EFCAB5: variants seen among roughly 807,000 people sequenced by gnomAD.
EFCAB5 encodes the protein EF-hand calcium-binding domain-containing protein 5.
Under a neutral mutation model 167.9 loss-of-function variants are expected in EFCAB5, and 131 were observed. The observed-to-expected ratio is 0.78, with a 90% confidence interval of 0.68 to 0.90. The LOEUF (loss-of-function observed/expected upper bound fraction) is 0.90, where lower values mean the gene tolerates loss of function less well. Ranked by LOEUF, EFCAB5 falls within the 40% of genes least tolerant of loss-of-function variation. The probability of loss-of-function intolerance (pLI) is 0.00; values close to 1 mark genes in which losing one functional copy is unlikely to be tolerated. For missense variants in EFCAB5, 1,663 were observed against 1,745.2 expected, an observed-to-expected ratio of 0.95 and a Z score of 0.84; for synonymous variants, 574 against 602.8, an observed-to-expected ratio of 0.95 and a Z score of 0.70.
intron 3 of EFCAB5, among the ~76,000 whole-genome samples, chr17:29,965,879 TA>T (rs1389454862): frequency 1.3e-5 from 2 of 152,220 alleles, no homozygotes; most frequent in African/African-American, 4.8e-5. Flanking sequence ...TATTTCTAGA[TA>T]TTTTAAATTT....
At chr17:30,029,951 T>C (rs965481124) in intron 7 of EFCAB5, among the ~76,000 whole-genome samples, 40 of 152,182 alleles carry the variant, frequency 2.6e-4, no homozygotes, top group Admixed American at 2.1e-3. Context: ...ATTCATTACA[T>C]TGGGACTTAG....
chr17:30,069,445 G>C lies in EFCAB5; in HGVS notation c.2738-8770G>C. ...GACTTCAAGAGATATTCACGGAAAA[G>C]GTTTTGCAACAGGAAGCTGAGATTG... On this transcript the variant is annotated intron_variant, in intron 14 of 22. Coordinates refer to ENST00000394835, the MANE Select transcript of EFCAB5 (RefSeq NM_198529.4). 5 of 1,557,792 alleles carry C rather than the reference G, an allele frequency of 3.2e-6. No homozygotes were observed. In the South Asian group the frequency reaches 5.6e-5, roughly 17 times the overall value.
At chr17:30,038,301 T>C (rs1346427861) in intron 8 of EFCAB5, among the ~76,000 whole-genome samples, 2 of 152,194 alleles carry the variant, frequency 1.3e-5, no homozygotes, top group African/African-American at 4.8e-5. Context: ...CCTTAAGAAT[T>C]ATGCCAAATC....
chr17:30,024,716 G>T (rs965459452), intron 7 of EFCAB5, among the ~76,000 whole-genome samples: 2 of 151,494 alleles, frequency 1.3e-5, no homozygotes, highest in Non-Finnish European at 3.0e-5. Context: ...AAAAGAGCCC[G>T]CATCGCCAAG....
At chr17:29,989,078 G>A (rs1043960101) in intron 4 of EFCAB5, among the ~76,000 whole-genome samples, 1 of 152,178 alleles carries the variant, frequency 6.6e-6, no homozygotes, top group African/African-American at 2.4e-5. Flanking sequence ...CCTAGAGCAG[G>A]TCGTATCCAA....
At chr17:30,008,125 A>G (rs1300197589) in intron 7 of EFCAB5, among the ~76,000 whole-genome samples, 2 of 152,224 alleles carry the variant, frequency 1.3e-5, no homozygotes. Context: ...TACTATATGC[A>G]TTTTATAAGC....
At chr17:30,030,213 A>G (rs1209225843) in intron 7 of EFCAB5, among the ~76,000 whole-genome samples, 1 of 152,206 alleles carries the variant, frequency 6.6e-6, no homozygotes, top group East Asian at 1.9e-4. Context: ...GCTAGCCTAA[A>G]CTTACAGAAC....
chr17:30,032,714 CCATTTCTTTGGATCTT>C (rs1419671249), intron 7 of EFCAB5, among the ~76,000 whole-genome samples: 2 of 152,126 alleles, frequency 1.3e-5, no homozygotes, highest in Admixed American at 6.6e-5. Context: ...GTAGTTTTTG[CCATTTCTTTGGATCTT>C]CATTTCTTTA....
chr17:30,102,363 T>TTTTA (rs1479828090), intron 22 of EFCAB5, among the ~76,000 whole-genome samples: 23 of 152,212 alleles, frequency 1.5e-4, no homozygotes, highest in Non-Finnish European at 2.8e-4. Context: ...TTATGTCTTC[T>TTTTA]TTTATTAATT....
At chr17:30,031,206 C>T (rs1463919698) in intron 7 of EFCAB5, among the ~76,000 whole-genome samples, 1 of 152,138 alleles carries the variant, frequency 6.6e-6, no homozygotes, top group Non-Finnish European at 1.5e-5. Flanking sequence ...TCATGTAGTT[C>T]AGTGGTTCTC....
chr17:30,092,162 G>GT lies in EFCAB5; in HGVS notation c.4224+14dup, dbSNP rs763062855. On this transcript the variant is annotated splice_donor_region_variant and intron_variant, in intron 21 of 22. Coordinates refer to ENST00000394835, the MANE Select transcript of EFCAB5 (RefSeq NM_198529.4). ...AGTTGGGATAAGTGTAAATTTGTAA[G>GT]TTTTTTTTTAAAAAGCACCTTTTAA... 428 of 1,591,748 alleles carry GT rather than the reference G, an allele frequency of 2.7e-4. No homozygotes were observed. The highest frequency in any genetic ancestry group is 1.3e-3 in the African/African-American group (98 of 73,722).
chr17:30,036,410 T>TAGAG (rs1019505833), intron 8 of EFCAB5, among the ~76,000 whole-genome samples: 59 of 137,356 alleles, frequency 4.3e-4, no homozygotes, highest in Admixed American at 7.0e-4. Context: ...TATATAATAT[T>TAGAG]AGAGAGAGAG....
chr17:29,956,156 G>T (rs1438272505), intron 3 of EFCAB5, among the ~76,000 whole-genome samples: 1 of 152,130 alleles, frequency 6.6e-6, no homozygotes, highest in African/African-American at 2.4e-5. Context: ...GCCAAATCTG[G>T]AATCTATTAA....
At chr17:29,996,967 C>T (rs1191860745) in intron 6 of EFCAB5, among the ~76,000 whole-genome samples, 6 of 152,050 alleles carry the variant, frequency 3.9e-5, no homozygotes, top group Non-Finnish European at 5.9e-5. Context: ...CTTCAGAGGC[C>T]GGGCACAGTG....
At chr17:29,986,805 G>A (rs891473268) in intron 4 of EFCAB5, among the ~76,000 whole-genome samples, 24 of 151,556 alleles carry the variant, frequency 1.6e-4, no homozygotes, top group African/African-American at 2.7e-4. Context: ...CCGCCACCTC[G>A]CCCGGCTAAT....
chr17:29,931,490 C>T (rs1380089669), intron 1 of EFCAB5, among the ~76,000 whole-genome samples: 2 of 152,148 alleles, frequency 1.3e-5, no homozygotes, highest in African/African-American at 4.8e-5. Flanking sequence ...CTGTACAGTC[C>T]TATGTAGAGT....
chr17:30,009,541 T>C, intron 7 of EFCAB5, among the ~76,000 whole-genome samples: 1 of 152,218 alleles, frequency 6.6e-6, no homozygotes, highest in Non-Finnish European at 1.5e-5. Flanking sequence ...TCAAGGTTAC[T>C]CCATGTTGTA....
intron 6 of EFCAB5, among the ~76,000 whole-genome samples, chr17:29,997,269 A>C (rs2068565759): frequency 6.6e-6 from 1 of 151,852 alleles, no homozygotes; most frequent in Non-Finnish European, 1.5e-5. Context: ...GAAAGAAAGA[A>C]AATTATATGC....
chr17:29,963,522 C>T (rs1182754265), intron 3 of EFCAB5, among the ~76,000 whole-genome samples: 1 of 152,118 alleles, frequency 6.6e-6, no homozygotes, highest in Non-Finnish European at 1.5e-5. Context: ...ACTGTGATAT[C>T]TATCTAGCTT....
Sources: gnomAD v4.1 joint callset for allele counts (sites outside exome capture counted in the v4.1 genomes callset) on GRCh38, gnomAD v4.1.1 for gene constraint, MANE v1.5 for transcripts, NCBI Gene and HGNC (gene_info 2026-07-23, HGNC 2026-07-21) for gene names.